The following KLHL6 variants were observed in gnomAD, a reference collection of about 807,000 sequenced individuals.
The protein encoded by KLHL6 is kelch like family member 6.
A neutral mutation model predicts 58.6 loss-of-function variants in KLHL6; 41 were observed. The ratio of observed to expected loss-of-function variants is 0.70; its 90% confidence interval spans 0.55 to 0.91. KLHL6 has a LOEUF of 0.91. KLHL6 is among the 40% of genes least tolerant of loss of function. KLHL6 has a pLI of 0.00. For synonymous variants in KLHL6, 338 were observed against 322.7 expected, an observed-to-expected ratio of 1.05 and a Z score of -0.51; for missense variants, 714 against 805.6, an observed-to-expected ratio of 0.89 and a Z score of 1.38.
chr3:183,511,011 G>C (rs1194977921), intron 2 of KLHL6, among the ~76,000 whole-genome samples: 1 of 152,214 alleles, frequency 6.6e-6, no homozygotes, highest in East Asian at 1.9e-4. Context: ...CAGAGGCAAA[G>C]TACAGAGAAA....
At chr3:183,501,383 G>C (rs1717862217) in intron 3 of KLHL6, among the ~76,000 whole-genome samples, 1 of 152,190 alleles carries the variant, frequency 6.6e-6, no homozygotes, top group Non-Finnish European at 1.5e-5. Context: ...AATCTATGTG[G>C]TCCTCTTTCG....
intron 2 of KLHL6, among the ~76,000 whole-genome samples, chr3:183,523,951 G>T (rs1012119744): frequency 2.0e-5 from 3 of 152,022 alleles, no homozygotes; most frequent in African/African-American, 7.2e-5. Context: ...AATAGAGACG[G>T]GGTTTCATCA....
chr3:183,551,925 T>G (rs1363537765), intron 1 of KLHL6: 3 of 152,038 alleles, frequency 2.0e-5, no homozygotes, highest in African/African-American at 7.2e-5. Context: ...AGAAAGGCAG[T>G]GAAGAGACAG....
rs184445246 is a variant in KLHL6, at chr3:183,501,787, A to G, written c.910-1960T>C. Among the ~76,000 whole-genome samples, 3 of 152,302 alleles carry G rather than the reference A, an allele frequency of 2.0e-5. No individual in the cohort carries two copies. In the East Asian group the frequency reaches 5.8e-4, roughly 29 times the overall value. On this transcript the variant is annotated intron_variant, in intron 3 of 6. Coordinates refer to ENST00000341319, the MANE Select transcript of KLHL6 (RefSeq NM_130446.4). ...CCCTTTAAGGCACTGTGAGTAATTTACCATGTCACTTTGCCCTTTTCTCCA... is the reference window on the plus strand; with the variant it reads ...CCCTTTAAGGCACTGTGAGTAATTTGCCATGTCACTTTGCCCTTTTCTCCA...
At chr3:183,506,023 A>G (rs1371162823) in intron 3 of KLHL6, among the ~76,000 whole-genome samples, 2 of 152,212 alleles carry the variant, frequency 1.3e-5, no homozygotes, top group African/African-American at 4.8e-5. Flanking sequence ...AACACACAGA[A>G]AAAGGGAGAA....
chr3:183,492,529 T>C lies in KLHL6; in HGVS notation c.1529A>G (p.Asn510Ser), dbSNP rs1717595872. The C allele has an allele frequency of 3.1e-6, 5 of 1,614,114 alleles. No individual in the cohort carries two copies. The South Asian group carries it at 4.4e-5, about 14-fold the overall frequency. The change falls in exon 6 of 7, where the codon AAT becomes AGT. Residue 510 changes from asparagine (N) to serine (S), a missense_variant. By Grantham distance (46) the Asn-to-Ser change is conservative. This residue lies in a region of KLHL6 where 510 missense variants were observed against 629.7 expected (regional missense o/e 0.81). Coordinates refer to ENST00000341319, the MANE Select transcript of KLHL6 (RefSeq NM_130446.4). The surrounding 1 kb of genome is among the most constrained non-coding windows in gnomAD (Gnocchi z 5.9). ...GATGCGGTCCCGGAAACTCACTGCA[T>C]TGATGCATTTAGCCTCCACGGGCAT... ...AAMPVEAKCI[N>S]AVSFRDRIYV...
At chr3:183,493,960 T>A in intron 5 of KLHL6, 119 bp downstream of exon 5, 3 of 883,706 alleles carry the variant, frequency 3.4e-6, no homozygotes, top group Middle Eastern at 2.5e-4. Context: ...CCAAAACTGT[T>A]CTCCTTGGAA....
chr3:183,527,818 G>T, intron 2 of KLHL6, 27 bp downstream of exon 2: 1 of 1,611,476 alleles, frequency 6.2e-7, no homozygotes, highest in South Asian at 1.1e-5. Context: ...CTTCAGAGAA[G>T]AGCACTGAGC....
chr3:183,523,122 A>G (rs914904341), intron 2 of KLHL6: 8 of 152,170 alleles, frequency 5.3e-5, no homozygotes, highest in Non-Finnish European at 1.0e-4. Context: ...GTTTTTGAGA[A>G]GTCCTTACAT....
Position 183,527,986 on chromosome 3 carries a change from C to A in KLHL6, c.318G>T (p.Lys106Asn). The A allele has an allele frequency of 6.2e-7, 1 of 1,614,002 alleles. No individual in the cohort carries two copies. The highest frequency in any genetic ancestry group is 1.1e-5 in the South Asian group (1 of 91,074). ...YFRAMFCNDL[K>N]EKYEKRIIIK... ...TAATGATCCTTTTCTCATACTTTTC[C>A]TTTAAATCGTTGCAGAACATGGCCC... is the stretch of plus-strand genomic sequence containing the variant. The change falls in exon 2 of 7, where the codon AAG becomes AAT. Residue 106 changes from lysine to asparagine, a missense_variant. Transcript: ENST00000341319.
intron 2 of KLHL6, chr3:183,522,629 G>A (rs1334306837): frequency 6.6e-6 from 1 of 152,236 alleles, no homozygotes; most frequent in Non-Finnish European, 1.5e-5. Flanking sequence ...GTATATCATA[G>A]TAGGTGCCTG....
intron 2 of KLHL6, among the ~76,000 whole-genome samples, chr3:183,519,916 AAC>A (rs1491025120): frequency 0.012 from 1,486 of 121,384 alleles, 22 homozygotes; most frequent in African/African-American, 0.043. Flanking sequence ...AAAAAAAAAA[AAC>A]AAGAAAACAG....
intron 3 of KLHL6, 95 bp downstream of exon 3, chr3:183,507,964 A>C (rs1577182288): frequency 9.0e-7 from 1 of 1,114,072 alleles, no homozygotes; most frequent in Non-Finnish European, 1.3e-6. Context: ...TAATGCCCTA[A>C]GGATTTTTGA....
chr3:183,539,793 C>T (rs1020434537), intron 1 of KLHL6, among the ~76,000 whole-genome samples: 1 of 152,120 alleles, frequency 6.6e-6, no homozygotes, highest in African/African-American at 2.4e-5. Context: ...CCCACGGCCC[C>T]TGTGGAGAAG....
At chr3:183,505,624 A>G (rs1482685695) in intron 3 of KLHL6, among the ~76,000 whole-genome samples, 1 of 152,136 alleles carries the variant, frequency 6.6e-6, no homozygotes, top group Non-Finnish European at 1.5e-5. Flanking sequence ...AATCAATAAA[A>G]TTGATAAGCC....
chr3:183,535,278 G>C (rs1340052092), intron 1 of KLHL6, among the ~76,000 whole-genome samples: 1 of 152,192 alleles, frequency 6.6e-6, no homozygotes, highest in African/African-American at 2.4e-5. Flanking sequence ...TCTCAGTGCA[G>C]AGTAGGCACA....
chr3:183,499,522 TG>T lies in KLHL6; in HGVS notation c.1147+67del. The stretch of plus-strand genomic sequence containing the variant: ...CAGTAATTCTTCTAGGATGGTTGCC[TG>T]GCTGCCACTCAGGAATATATGTAGT... On this transcript the variant is annotated intron_variant, in intron 4 of 6. Transcript: ENST00000341319. This position sits in a 1 kb window ranked among gnomAD's most constrained non-coding sequence, Gnocchi z 4.6. 1 of 1,070,802 alleles carries T rather than the reference TG, an allele frequency of 9.3e-7. No homozygotes were observed. The highest frequency in any genetic ancestry group is 1.4e-6 in the Non-Finnish European group (1 of 731,664). The allele number at this position is 1,070,802 out of a possible 1,614,324, so 66.3% of individuals were successfully genotyped here.
At chr3:183,550,252 C>T (rs1349055837) in intron 1 of KLHL6, among the ~76,000 whole-genome samples, 1 of 152,094 alleles carries the variant, frequency 6.6e-6, no homozygotes, top group Admixed American at 6.6e-5. Flanking sequence ...AGAGACTGTT[C>T]TAGAAGTCCA....
At position 183,492,603 on chromosome 3, in the gene KLHL6, C is replaced by T; in HGVS notation, c.1455G>A (p.Lys485=). ...GGPNGKLATD[K]TQCYDPSTNK... is the part of the protein sequence containing the mutation. The stretch of plus-strand genomic sequence containing the variant: ...TGGTGGAAGGGTCATAACACTGAGT[C>T]TTGTCTGTGGCCAGTTTCCCATTGG... The change falls in exon 6 of 7, where the codon AAG becomes AAA. Residue 485 remains lysine, a synonymous_variant. Transcript: ENST00000341319. The surrounding 1 kb of genome is among the most constrained non-coding windows in gnomAD (Gnocchi z 5.9). 6.2e-7 allele frequency: 1 copy of T among 1,614,218 alleles called. No individual in the cohort carries two copies. Among genetic ancestry groups the T allele is most frequent in the South Asian group, 1.1e-5 (1 of 91,080 alleles).
Sources: allele counts gnomAD v4.1 joint callset (sites outside exome capture counted in the v4.1 genomes callset), GRCh38; gene constraint gnomAD v4.1.1; regional missense constraint gnomAD v4.1.1; non-coding constraint Gnocchi (gnomAD v3.1); transcripts MANE v1.5; gene names NCBI Gene and HGNC (gene_info 2026-07-23, HGNC 2026-07-21).